Variants in HS3ST5 observed in about 807,000 individuals in gnomAD.
HS3ST5 encodes the protein heparan sulfate-glucosamine 3-sulfotransferase 5.
In HS3ST5, 10 loss-of-function variants were observed where a neutral mutation model predicts 25.4. The ratio of observed to expected loss-of-function variants is 0.39; its 90% confidence interval spans 0.24 to 0.67. HS3ST5 has a LOEUF of 0.67. Among genes scored for constraint, HS3ST5 ranks in the 30% least tolerant of loss-of-function variants. The pLI, the probability that HS3ST5 is intolerant of heterozygous loss-of-function variation, is 0.44. For synonymous variants in HS3ST5, 170 were observed against 162.4 expected, an observed-to-expected ratio of 1.05 and a Z score of -0.36; for missense variants, 324 against 420.7, an observed-to-expected ratio of 0.77 and a Z score of 2.01.
intron 3 of HS3ST5, among the ~76,000 whole-genome samples, chr6:114,123,662 G>T (rs1182677781): frequency 6.6e-6 from 1 of 152,118 alleles, no homozygotes; most frequent in Non-Finnish European, 1.5e-5. Flanking sequence ...GACTTGACCT[G>T]CTTCATGCCT....
chr6:114,148,567 G>A (rs1321030203), intron 3 of HS3ST5, among the ~76,000 whole-genome samples: 2 of 152,168 alleles, frequency 1.3e-5, no homozygotes, highest in Admixed American at 1.3e-4. Context: ...GTTGCAGAGA[G>A]CCAAGATCGC....
intron 1 of HS3ST5, among the ~76,000 whole-genome samples, chr6:114,291,135 T>A (rs1035324113): frequency 6.6e-6 from 1 of 152,056 alleles, no homozygotes; most frequent in African/African-American, 2.4e-5. Flanking sequence ...GAAAGAAGTC[T>A]CATCACAGTT....
At chr6:114,069,192 T>C (rs1204809752) in intron 3 of HS3ST5, among the ~76,000 whole-genome samples, 1 of 152,210 alleles carries the variant, frequency 6.6e-6, no homozygotes, top group Non-Finnish European at 1.5e-5. Flanking sequence ...AGCAGAATTA[T>C]TCCAAGGAAA....
At chr6:114,067,000 A>T (rs1773489513) in intron 3 of HS3ST5, among the ~76,000 whole-genome samples, 1 of 151,868 alleles carries the variant, frequency 6.6e-6, no homozygotes, top group Admixed American at 6.6e-5. Flanking sequence ...CTCTTAAGTC[A>T]CTCACTCCAG....
At chr6:114,186,290 T>A (rs1780214062) in intron 2 of HS3ST5, among the ~76,000 whole-genome samples, 1 of 152,158 alleles carries the variant, frequency 6.6e-6, no homozygotes, top group Admixed American at 6.5e-5. Context: ...CACCAAACAA[T>A]TAGCCAAGTT....
chr6:114,278,327 A>G (rs573003567), intron 1 of HS3ST5, among the ~76,000 whole-genome samples: 19 of 152,098 alleles, frequency 1.2e-4, no homozygotes, highest in African/African-American at 4.6e-4. Context: ...TCTTGTCATT[A>G]TTATTAATTT....
intron 3 of HS3ST5, among the ~76,000 whole-genome samples, chr6:114,075,161 A>T (rs1301804545): frequency 6.6e-6 from 1 of 152,218 alleles, no homozygotes; most frequent in East Asian, 1.9e-4. Flanking sequence ...TCAACTCTTG[A>T]TATACATATA....
chr6:114,188,055 A>G (rs1780309509), intron 2 of HS3ST5, among the ~76,000 whole-genome samples: 1 of 152,240 alleles, frequency 6.6e-6, no homozygotes, highest in South Asian at 2.1e-4. Context: ...TATGTACTGG[A>G]AAGCCAAAAA....
At chr6:114,253,333 C>T (rs757436653) in intron 1 of HS3ST5, among the ~76,000 whole-genome samples, 8 of 152,208 alleles carry the variant, frequency 5.3e-5, no homozygotes, top group Non-Finnish European at 7.4e-5. Flanking sequence ...TCTGAAGTTA[C>T]GGCACATTTC....
chr6:114,143,806 A>G (rs1519684), intron 3 of HS3ST5: 52,187 of 152,288 alleles, frequency 0.34, 9,627 homozygotes, highest in South Asian at 0.5. Flanking sequence ...ATAACTATTG[A>G]CACTCGCCAG....
chr6:114,283,579 G>A (rs925075234), intron 1 of HS3ST5, among the ~76,000 whole-genome samples: 1 of 151,246 alleles, frequency 6.6e-6, no homozygotes, highest in Admixed American at 6.6e-5. Context: ...TGTTTTGGAA[G>A]TTTTTCTCCA....
At position 114,204,804 on chromosome 6, in the gene HS3ST5, T is replaced by C. The variant is rs112830180; in HGVS notation, c.-145+23781A>G. ...GATTTTCATAGAAACTACCCTTTCATTTTGTACTTATATTTCTAAAACCTG... is the reference window on the plus strand; with the variant it reads ...GATTTTCATAGAAACTACCCTTTCACTTTGTACTTATATTTCTAAAACCTG... On this transcript the variant is annotated intron_variant, in intron 2 of 4. Coordinates refer to ENST00000312719, the MANE Select transcript of HS3ST5 (RefSeq NM_153612.4). 2.0e-3 allele frequency among the ~76,000 whole-genome samples: 298 copies of C among 152,298 alleles called. 6 individuals are homozygous for C. The highest frequency in any genetic ancestry group is 0.014 in the East Asian group (73 of 5,174).
At chr6:114,157,565 A>G (rs760288622) in intron 3 of HS3ST5, among the ~76,000 whole-genome samples, 10 of 152,164 alleles carry the variant, frequency 6.6e-5, no homozygotes, top group Non-Finnish European at 1.5e-4. Flanking sequence ...AATTGCTAAG[A>G]AAGTAGACCT....
intron 1 of HS3ST5, among the ~76,000 whole-genome samples, chr6:114,256,345 G>C (rs112367840): frequency 0.039 from 5,880 of 149,892 alleles, 180 homozygotes; most frequent in African/African-American, 0.083. Context: ...CCGAGATTGC[G>C]CCACTGCACT....
intron 2 of HS3ST5, among the ~76,000 whole-genome samples, chr6:114,190,740 A>T (rs779669689): frequency 1.4e-4 from 21 of 152,194 alleles, no homozygotes; most frequent in Non-Finnish European, 2.1e-4. Flanking sequence ...CAATATTAAG[A>T]TATTACATAT....
intron 3 of HS3ST5, among the ~76,000 whole-genome samples, chr6:114,138,725 T>C (rs886504413): frequency 2.0e-5 from 3 of 152,212 alleles, no homozygotes; most frequent in Admixed American, 6.5e-5. Flanking sequence ...AATACATGAA[T>C]GTGAATTCCA....
intron 3 of HS3ST5, among the ~76,000 whole-genome samples, chr6:114,165,909 C>T (rs988605607): frequency 3.3e-5 from 5 of 152,162 alleles, no homozygotes; most frequent in African/African-American, 7.2e-5. Context: ...AAGCCAGGCA[C>T]GCTGGCTCCT....
chr6:114,254,548 A>G (rs1471823385), intron 1 of HS3ST5, among the ~76,000 whole-genome samples: 2 of 152,204 alleles, frequency 1.3e-5, no homozygotes, highest in Non-Finnish European at 2.9e-5. Flanking sequence ...TGGCAGTTGT[A>G]TTAGTCCTTT....
At chr6:114,247,609 TC>T (rs1277388544) in intron 1 of HS3ST5, among the ~76,000 whole-genome samples, 24 of 152,128 alleles carry the variant, frequency 1.6e-4, no homozygotes, top group Non-Finnish European at 3.2e-4. Context: ...AAAAAGCTAT[TC>T]CTTCATGTTT....
Sources: gnomAD v4.1 joint callset for allele counts (sites outside exome capture counted in the v4.1 genomes callset) on GRCh38, gnomAD v4.1.1 for gene constraint, MANE v1.5 for transcripts, NCBI Gene and HGNC (gene_info 2026-07-23, HGNC 2026-07-21) for gene names.